Variants in THSD7B observed in about 807,000 individuals in gnomAD.
The protein encoded by THSD7B is thrombospondin type-1 domain-containing protein 7B.
THSD7B carries 138 observed loss-of-function variants against 213.6 expected under a neutral mutation model. The ratio of observed to expected loss-of-function variants is 0.65; its 90% CI spans 0.56 to 0.74. THSD7B has a LOEUF of 0.74. Among genes scored for constraint, THSD7B ranks in the 30% least tolerant of loss-of-function variants. THSD7B has a pLI of 0.00. For missense variants in THSD7B, 1,931 were observed against 1,991.5 expected (o/e 0.97, Z 0.58); for synonymous variants, 742 against 687.0 (o/e 1.08, Z -1.25).
intron 2 of THSD7B, among the ~76,000 whole-genome samples, chr2:136,922,003 T>C (rs1024749116): frequency 6.6e-6 from 1 of 152,210 alleles, no homozygotes; most frequent in Non-Finnish European, 1.5e-5. Flanking sequence ...ATCTCAGGTA[T>C]GCTTTTGTAA....
chr2:137,559,803 G>A (rs1316443666), intron 15 of THSD7B, among the ~76,000 whole-genome samples: 1 of 152,124 alleles, frequency 6.6e-6, no homozygotes, highest in Non-Finnish European at 1.5e-5. Context: ...GAAAATTTTT[G>A]CAATCTACTC....
At position 137,412,623 on chromosome 2, in the gene THSD7B, A is replaced by AAAAC. The variant is rs1558789017; in HGVS notation, c.2959+754_2959+755insCAAA. 1.4e-3 allele frequency among the ~76,000 whole-genome samples: 174 copies of AAAAC among 126,300 alleles called. 2 individuals carry two copies. Among genetic ancestry groups the AAAAC allele is most frequent in the South Asian group, 2.7e-3 (9 of 3,328 alleles). The allele number at this position is 126,300 out of a possible 152,430, so 82.9% of individuals were successfully genotyped here. A position where few individuals can be genotyped will look rare whatever the true frequency, so the allele number is the denominator to read the frequency against. On this transcript the variant is annotated intron_variant, in intron 14 of 27. Coordinates refer to ENST00000409968, the MANE Select transcript of THSD7B (RefSeq NM_001316349.2). ...AAAAAAAAAAAAACAAAAAAAAACA[A>AAAAC]AAAACAGTTTTACTATATAAAGTAT...
chr2:137,391,371 G>T (rs1445500917), intron 12 of THSD7B, among the ~76,000 whole-genome samples: 1 of 151,948 alleles, frequency 6.6e-6, no homozygotes, highest in Non-Finnish European at 1.5e-5. Context: ...TCAGCTAGTG[G>T]TTTATCAATT....
intron 2 of THSD7B, among the ~76,000 whole-genome samples, chr2:136,951,837 T>A (rs1304939695): frequency 1.3e-5 from 2 of 149,690 alleles, no homozygotes; most frequent in African/African-American, 2.5e-5. Flanking sequence ...AGATAAGGCA[T>A]CAAGTTTTTT....
chr2:137,207,131 A>AGAG (rs1171988345), intron 7 of THSD7B, among the ~76,000 whole-genome samples: 1 of 151,994 alleles, frequency 6.6e-6, no homozygotes, highest in Non-Finnish European at 1.5e-5. Context: ...AAAAGTGAAG[A>AGAG]GAGGAGGAGG....
intron 15 of THSD7B, among the ~76,000 whole-genome samples, chr2:137,479,232 G>A (rs955106144): frequency 3.3e-5 from 5 of 152,228 alleles, no homozygotes; most frequent in Admixed American, 1.3e-4. Flanking sequence ...CACAGGTGGT[G>A]TGTGCAGGTG....
At chr2:137,676,090 G>A (rs1251742302) in intron 27 of THSD7B, among the ~76,000 whole-genome samples, 1 of 152,162 alleles carries the variant, frequency 6.6e-6, no homozygotes, top group Admixed American at 6.5e-5. Context: ...TGGCATCTTG[G>A]CAGCTAAATG....
rs564450390 is a variant in THSD7B, at chr2:137,497,065, A to G, written c.3138+46042A>G. On this transcript the variant is annotated intron_variant, in intron 15 of 27. Coordinates refer to ENST00000409968, the MANE Select transcript of THSD7B (RefSeq NM_001316349.2). Reference sequence around the variant, plus strand: ...GGGATTGTAATTCAAAACAGGGTTAATAAATACTACTAATTCAGCCTAACC... The same window carrying G: ...GGGATTGTAATTCAAAACAGGGTTAGTAAATACTACTAATTCAGCCTAACC... 3.3e-5 allele frequency among the ~76,000 whole-genome samples: 5 copies of G among 152,294 alleles called. No homozygotes were observed. The South Asian group carries it at 8.3e-4, about 25-fold the overall frequency.
chr2:137,230,240 T>A (rs1358236651), intron 7 of THSD7B, among the ~76,000 whole-genome samples: 1 of 152,230 alleles, frequency 6.6e-6, no homozygotes, highest in African/African-American at 2.4e-5. Flanking sequence ...TCCTAACATC[T>A]GTTAATTATA....
chr2:137,559,789 G>A (rs571218786), intron 15 of THSD7B, among the ~76,000 whole-genome samples: 1 of 152,212 alleles, frequency 6.6e-6, no homozygotes, highest in African/African-American at 2.4e-5. Context: ...CCTACAGAAT[G>A]GGAGAAAATT....
chr2:137,426,448 A>G (rs1283941327), intron 14 of THSD7B, among the ~76,000 whole-genome samples: 1 of 152,186 alleles, frequency 6.6e-6, no homozygotes, highest in Non-Finnish European at 1.5e-5. Context: ...AGCTATAGTC[A>G]TCATTAGCAG....
rs1383057774 is a variant in THSD7B at position 136,987,084 on chromosome 2, T to A, written c.140-69336T>A. Among the ~76,000 whole-genome samples, 4 of 152,222 alleles carry A rather than the reference T, an allele frequency of 2.6e-5. No individual in the cohort carries two copies. The East Asian group carries it at 7.7e-4, about 29-fold the overall frequency. On this transcript the variant is annotated intron_variant, in intron 2 of 27. Coordinates refer to ENST00000409968, the MANE Select transcript of THSD7B (RefSeq NM_001316349.2). ...TCTTTCAGCATTACTGAAAGGTAGT[T>A]ATCAGTACCTCCATTTCACAGAAGA...
rs370822281 is a variant in THSD7B, at chr2:137,303,746, A to G, written c.2500+27720A>G. 2.9e-4 allele frequency among the ~76,000 whole-genome samples: 42 copies of G among 142,916 alleles called. 3 individuals are homozygous for G. In the East Asian group the frequency reaches 6.6e-3, roughly 22 times the overall value. 93.8% of individuals were successfully genotyped at this position (142,916 alleles called of 152,430 possible). A position where few individuals can be genotyped will look rare whatever the true frequency, so the allele number is the denominator to read the frequency against. ...TATATATTTATATATATATTTATATATATATACAGATATATAGTTTCAAAT... is the reference window on the plus strand; with the variant it reads ...TATATATTTATATATATATTTATATGTATATACAGATATATAGTTTCAAAT... On this transcript the variant is annotated intron_variant, in intron 12 of 27. Transcript: ENST00000409968.
At chr2:137,159,826 T>G (rs1000556286) in intron 5 of THSD7B, among the ~76,000 whole-genome samples, 1 of 152,160 alleles carries the variant, frequency 6.6e-6, no homozygotes, top group Admixed American at 6.5e-5. Flanking sequence ...CAATCTGGAT[T>G]TTTTTCACAG....
chr2:137,172,268 A>G (rs1220411437), intron 7 of THSD7B, among the ~76,000 whole-genome samples: 2 of 152,150 alleles, frequency 1.3e-5, no homozygotes, highest in African/African-American at 4.8e-5. Context: ...TCCTGAGTGC[A>G]AGGCCTGCCT....
At position 137,345,381 on chromosome 2, in the gene THSD7B, T is replaced by G. The variant is rs373784180; in HGVS notation, c.2501-60232T>G. Reference sequence around the variant, plus strand: ...TCAGAGACATAAGGAAAAAAATAATTTATAAGCTAGAAATTTATGGCAAAC... The same window carrying G: ...TCAGAGACATAAGGAAAAAAATAATGTATAAGCTAGAAATTTATGGCAAAC... On this transcript the variant is annotated intron_variant, in intron 12 of 27. Coordinates refer to ENST00000409968, the MANE Select transcript of THSD7B (RefSeq NM_001316349.2). 1.3e-4 allele frequency among the ~76,000 whole-genome samples: 19 copies of G among 151,786 alleles called. No individual in the cohort carries two copies. The East Asian group carries it at 1.7e-3, about 14-fold the overall frequency.
chr2:137,409,552 A>C (rs1686601675), intron 13 of THSD7B, among the ~76,000 whole-genome samples: 1 of 152,200 alleles, frequency 6.6e-6, no homozygotes, highest in Non-Finnish European at 1.5e-5. Context: ...TTGAGCAAGA[A>C]ATCTTGGATG....
chr2:137,310,805 A>T (rs200647096), intron 12 of THSD7B, among the ~76,000 whole-genome samples: 5,628 of 115,738 alleles, frequency 0.049, no homozygotes, highest in South Asian at 0.082. Context: ...GTCAAAGATC[A>T]GATAGTTGTA....
chr2:137,471,225 C>G (rs1558807405), intron 15 of THSD7B, among the ~76,000 whole-genome samples: 1 of 152,126 alleles, frequency 6.6e-6, no homozygotes, highest in East Asian at 1.9e-4. Flanking sequence ...CTGGCCAGCT[C>G]TTCCCATTTC....
Sources: gnomAD v4.1 joint callset for allele counts (sites outside exome capture counted in the v4.1 genomes callset) on GRCh38, gnomAD v4.1.1 for gene constraint, MANE v1.5 for transcripts, NCBI Gene and HGNC (gene_info 2026-07-23, HGNC 2026-07-21) for gene names.